The following UXS1 variants were observed in gnomAD, a reference collection of about 807,000 sequenced individuals.
UXS1 encodes the protein UDP-glucuronate decarboxylase 1.
UXS1 carries 33 observed loss-of-function variants against 62.6 expected under a neutral mutation model. That is an observed-to-expected ratio of 0.53 (90% CI 0.40 to 0.70). UXS1 has a LOEUF of 0.70. Ranked by LOEUF, UXS1 falls within the 30% of genes least tolerant of loss-of-function variation. The pLI, the probability that UXS1 is intolerant of heterozygous loss-of-function variation, is 0.00. For missense variants in UXS1, 434 were observed against 556.3 expected, an observed-to-expected ratio of 0.78 and a Z score of 2.21; for synonymous variants, 213 against 206.8, an observed-to-expected ratio of 1.03 and a Z score of -0.26.
intron 6 of UXS1, chr2:106,138,637 C>A: frequency 1.0e-6 from 1 of 985,512 alleles, no homozygotes; most frequent in Middle Eastern, 5.2e-4. Context: ...TTTCCATCCC[C>A]AAAGGCCATT....
chr2:106,182,754 C>T (rs1447320763), intron 1 of UXS1, among the ~76,000 whole-genome samples: 1 of 134,532 alleles, frequency 7.4e-6, no homozygotes, highest in African/African-American at 2.8e-5. Context: ...CGCCTCACTG[C>T]AGGATAGTTG....
At chr2:106,138,490 C>T (rs898640442) in intron 6 of UXS1, 24 of 985,362 alleles carry the variant, frequency 2.4e-5, no homozygotes, top group Middle Eastern at 1.0e-3. Context: ...CAGGTCTCAC[C>T]CTTCAGGATT....
At chr2:106,148,058 A>G (rs1456748056) in intron 5 of UXS1, among the ~76,000 whole-genome samples, 1 of 152,164 alleles carries the variant, frequency 6.6e-6, no homozygotes, top group Non-Finnish European at 1.5e-5. Context: ...AGAAACTGAC[A>G]CCCAGAGAAG....
At chr2:106,152,206 C>T (rs1337628568) in intron 5 of UXS1, among the ~76,000 whole-genome samples, 1 of 152,250 alleles carries the variant, frequency 6.6e-6, no homozygotes, top group East Asian at 1.9e-4. Context: ...ATAAAATTCA[C>T]TTTGGGAGGC....
intron 10 of UXS1, among the ~76,000 whole-genome samples, chr2:106,105,401 G>GA (rs397712693): frequency 3.7e-4 from 56 of 152,018 alleles, no homozygotes; most frequent in African/African-American, 1.3e-3. Flanking sequence ...GTGGCAGGAG[G>GA]AGGGTCACAT....
intron 5 of UXS1, among the ~76,000 whole-genome samples, chr2:106,151,288 C>T (rs944264125): frequency 1.3e-5 from 2 of 152,126 alleles, no homozygotes; most frequent in African/African-American, 4.8e-5. Context: ...CTAGAGACGG[C>T]AGCCAGAATG....
intron 10 of UXS1, among the ~76,000 whole-genome samples, chr2:106,111,668 TG>T: frequency 1.3e-5 from 2 of 152,296 alleles, no homozygotes; most frequent in South Asian, 4.1e-4. Context: ...TAATGTCACC[TG>T]CAGATCATAG....
chr2:106,189,467 G>A (rs7598497), intron 1 of UXS1, among the ~76,000 whole-genome samples: 149,236 of 152,308 alleles, frequency 0.98, 73,169 homozygotes, highest in South Asian at 1. Context: ...AACCTAACTA[G>A]AGGGAAGGAA....
intron 11 of UXS1, chr2:106,102,607 T>A (rs931380778): frequency 6.6e-6 from 1 of 151,998 alleles, no homozygotes; most frequent in Non-Finnish European, 1.5e-5. Flanking sequence ...TTAAACAGAG[T>A]CATGCCAAAA....
chr2:106,189,471 G>A (rs1279280948), intron 1 of UXS1, among the ~76,000 whole-genome samples: 1 of 152,314 alleles, frequency 6.6e-6, no homozygotes, highest in Non-Finnish European at 1.5e-5. Flanking sequence ...TAACTAGAGG[G>A]AAGGAAAACT....
At chr2:106,166,422 C>T in intron 1 of UXS1, 1 of 193,414 alleles carries the variant, frequency 5.2e-6, no homozygotes, top group African/African-American at 2.3e-5. Context: ...ATTAAAATAA[C>T]ATAAGCTACT....
chr2:106,129,005 A>C (rs1209499259), intron 7 of UXS1, among the ~76,000 whole-genome samples: 2 of 152,088 alleles, frequency 1.3e-5, no homozygotes, highest in African/African-American at 4.8e-5. Flanking sequence ...TTTTGAAAAA[A>C]CTGTGCCAAA....
intron 12 of UXS1, among the ~76,000 whole-genome samples, chr2:106,099,742 C>T (rs777211890): frequency 2.0e-5 from 3 of 152,168 alleles, no homozygotes; most frequent in African/African-American, 7.2e-5. Context: ...AGAGCAGGGG[C>T]GCCTCGGGCC....
intron 3 of UXS1, among the ~76,000 whole-genome samples, chr2:106,164,369 C>CTCTTTACATTT (rs1553435001): frequency 1.2e-4 from 19 of 152,106 alleles, no homozygotes; most frequent in South Asian, 4.1e-4. Context: ...CATCTGTGCA[C>CTCTTTACATTT]GTGGCCTAGC....
intron 4 of UXS1, chr2:106,160,468 T>C (rs1423864602): frequency 6.6e-6 from 1 of 152,188 alleles, no homozygotes; most frequent in Non-Finnish European, 1.5e-5. Flanking sequence ...GTGTATATGA[T>C]TTTAGAGTCA....
intron 13 of UXS1, chr2:106,097,233 A>G (rs1344364416): frequency 2.2e-6 from 1 of 457,708 alleles, no homozygotes; most frequent in African/African-American, 2.0e-5. Flanking sequence ...GGATGCCCCA[A>G]GTGGGCCATA....
At chr2:106,123,636 C>A (rs2104926216) in intron 8 of UXS1, among the ~76,000 whole-genome samples, 1 of 152,274 alleles carries the variant, frequency 6.6e-6, no homozygotes, top group African/African-American at 2.4e-5. Context: ...GTTCTTCTAG[C>A]CCTCATTTTA....
chr2:106,155,913 C>G (rs140095276), intron 5 of UXS1, among the ~76,000 whole-genome samples: 117 of 152,176 alleles, frequency 7.7e-4, no homozygotes, highest in Admixed American at 2.6e-3. Flanking sequence ...CAAAATGGAT[C>G]ACAGGCCTAA....
chr2:106,166,001 C>G (rs1683188351), intron 2 of UXS1, 55 bp downstream of exon 2: 1 of 1,552,364 alleles, frequency 6.4e-7, no homozygotes, highest in Non-Finnish European at 8.8e-7. Flanking sequence ...TATGTACCAA[C>G]TGAAATGTGT....
Sources: gnomAD v4.1 joint callset for allele counts (sites outside exome capture counted in the v4.1 genomes callset) on GRCh38, gnomAD v4.1.1 for gene constraint, MANE v1.5 for transcripts, NCBI Gene and HGNC (gene_info 2026-07-23, HGNC 2026-07-21) for gene names.